Variants in ABCB9 observed in about 807,000 individuals in gnomAD.
The protein encoded by ABCB9 is ABC-type oligopeptide transporter ABCB9.
A neutral mutation model predicts 62.0 loss-of-function variants in ABCB9; 36 were observed. The ratio of observed to expected loss-of-function variants is 0.58; its 90% CI spans 0.45 to 0.77. The LOEUF (loss-of-function observed/expected upper bound fraction) is 0.77, where lower values mean the gene tolerates loss of function less well. ABCB9 is among the 30% of genes least tolerant of loss of function. ABCB9 has a pLI of 0.00. For synonymous variants in ABCB9, 435 were observed against 461.4 expected (o/e 0.94, Z 0.73); for missense variants, 943 against 1,054.7 (o/e 0.89, Z 1.47).
In ABCB9 at chr12:122,949,932, A is replaced by G. The variant is rs754721977; in HGVS notation, c.717-14T>C. The G allele has an allele frequency of 5.0e-6, 8 of 1,613,292 alleles. No homozygotes were observed. In the Admixed American group the frequency reaches 1.2e-4, roughly 24 times the overall value. On this transcript the variant is annotated splice_polypyrimidine_tract_variant and intron_variant, in intron 3 of 11. Coordinates refer to ENST00000280560, the MANE Select transcript of ABCB9 (RefSeq NM_019625.4). ...GCGGCAAATGAGCTAATTGCAGATA[A>G]GAGATATTATAGCACGATGTCCTTC...
chr12:122,948,956 G>A (rs1029354122), intron 4 of ABCB9, 127 bp from the exon 5 acceptor site: 1 of 723,236 alleles, frequency 1.4e-6, no homozygotes, highest in Non-Finnish European at 2.1e-6. Flanking sequence ...GCGGGGTTGG[G>A]GGGTGGGGGA....
At position 122,950,484 on chromosome 12, in the gene ABCB9, G is replaced by A; in HGVS notation, c.683C>T (p.Ala228Val). The change falls in exon 3 of 12, where the codon GCT (alanine) becomes GTT (valine). Residue 228 changes from alanine (A) to valine (V), a missense_variant. Transcript: ENST00000280560. ...GGCCAGCAGGCACACGATGACGACA[G>A]CCGTGCTGAACTGATCCATGCTTTT... ...IQKSMDQFST[A>V]VVIVCLLAIG... 1.2e-6 allele frequency: 2 copies of A among 1,612,922 alleles called. No individual in the cohort carries two copies. The highest frequency in any genetic ancestry group is 1.7e-6 in the Non-Finnish European group (2 of 1,179,900).
At chr12:122,953,423 C>T (rs1382176675) in intron 2 of ABCB9, among the ~76,000 whole-genome samples, 4 of 150,642 alleles carry the variant, frequency 2.7e-5, no homozygotes, top group East Asian at 1.9e-4. Flanking sequence ...AGTCGCACTC[C>T]GTCGCCCAGG....
chr12:122,939,215 T>C (rs2135797586), intron 9 of ABCB9, among the ~76,000 whole-genome samples: 1 of 152,226 alleles, frequency 6.6e-6, no homozygotes, highest in East Asian at 1.9e-4. Flanking sequence ...CCAGAATGCA[T>C]AAATAATTGT....
In ABCB9 at chr12:122,932,202, C is replaced by A; in HGVS notation, c.2030G>T (p.Ser677Ile). 1 of 1,552,776 alleles carries A rather than the reference C, an allele frequency of 6.4e-7. No individual in the cohort carries two copies. The highest frequency in any genetic ancestry group is 8.7e-7 in the Non-Finnish European group (1 of 1,147,908). ...DEATSALDAE[S>I]EYLIQQAIHG... is the part of the protein sequence containing the mutation. Reference sequence around the variant, plus strand: ...CACCCTGTGACTCACCAGATACTCGCTCTCGGCATCCAAAGCGCTGGTGGC... The same window carrying A: ...CACCCTGTGACTCACCAGATACTCGATCTCGGCATCCAAAGCGCTGGTGGC... The change falls in exon 11 of 12, where the codon AGC (serine) becomes ATC (isoleucine). Residue 677 changes from serine to isoleucine, a missense_variant. By Grantham distance (142) the Ser-to-Ile change is moderately radical. Transcript: ENST00000280560. This position sits in a 1 kb window ranked among gnomAD's most constrained non-coding sequence, Gnocchi z 4.7.
At chr12:122,950,055 C>A in intron 3 of ABCB9, 137 bp from the exon 4 acceptor site, 1 of 1,214,688 alleles carries the variant, frequency 8.2e-7, no homozygotes. Context: ...TGCGGGGTCC[C>A]CCTCATTCCC....
intron 2 of ABCB9, chr12:122,951,725 G>A (rs2036376885): frequency 6.6e-6 from 1 of 152,112 alleles, no homozygotes; most frequent in South Asian, 2.1e-4. Context: ...ACCTTGCTGG[G>A]TGCTTTCTTA....
downstream of ABCB9, among the ~76,000 whole-genome samples, chr12:122,925,840 C>T (rs1020043279): frequency 6.6e-6 from 1 of 152,100 alleles, no homozygotes; most frequent in Non-Finnish European, 1.5e-5. Context: ...TGGAAACAGC[C>T]CAAATATCTA....
In ABCB9 at chr12:122,930,831, A is replaced by G. The variant is rs758584895; in HGVS notation, c.2041-660T>C. On this transcript the variant is annotated intron_variant, in intron 11 of 11. Transcript: ENST00000280560. This position sits in a 1 kb window ranked among gnomAD's most constrained non-coding sequence, Gnocchi z 4.9. ...GGTGCCTGGTGCCTGAGAAGAGCTCAGTAACTCTCTGTGTAACAAATGAAT... is the reference window on the plus strand; with the variant it reads ...GGTGCCTGGTGCCTGAGAAGAGCTCGGTAACTCTCTGTGTAACAAATGAAT... 9.9e-5 allele frequency among the ~76,000 whole-genome samples: 15 copies of G among 152,154 alleles called. No homozygotes were observed. Among genetic ancestry groups the G allele is most frequent in the Non-Finnish European group, 2.1e-4 (14 of 68,034 alleles).
chr12:122,922,349 TTTTAA>T (rs1455378681), intron 11 of ABCB9, among the ~76,000 whole-genome samples: 1 of 152,122 alleles, frequency 6.6e-6, no homozygotes, highest in Non-Finnish European at 1.5e-5. Context: ...CTTTGAGTCT[TTTTAA>T]TTTTTTTATT....
chr12:122,926,952 G>A (rs2034923885), downstream of ABCB9, among the ~76,000 whole-genome samples: 1 of 152,080 alleles, frequency 6.6e-6, no homozygotes, highest in African/African-American at 2.4e-5. Flanking sequence ...ATGTAATGTG[G>A]GACACTGGAA....
chr12:122,942,665 G>A (rs1052109016), intron 7 of ABCB9, among the ~76,000 whole-genome samples: 14 of 151,378 alleles, frequency 9.2e-5, no homozygotes, highest in Non-Finnish European at 1.9e-4. Context: ...TTAGCTGGGT[G>A]TGGTGGCATG....
intron 1 of ABCB9, chr12:122,974,562 G>A (rs150302366): frequency 0.019 from 2,890 of 152,410 alleles, 40 homozygotes; most frequent in South Asian, 0.064. Flanking sequence ...AAGGTCCGGG[G>A]AGAGAAGAGG....
chr12:122,955,968 C>A (rs2036595149), intron 2 of ABCB9, among the ~76,000 whole-genome samples: 1 of 152,134 alleles, frequency 6.6e-6, no homozygotes, highest in African/African-American at 2.4e-5. Context: ...GGCCTCAGCT[C>A]CCCAGAGTTC....
At chr12:122,936,367 G>T (rs1012538061) in intron 9 of ABCB9, among the ~76,000 whole-genome samples, 1 of 152,180 alleles carries the variant, frequency 6.6e-6, no homozygotes, top group East Asian at 1.9e-4. Context: ...AGGTAAGGTG[G>T]AGGGGAACAT....
rs1246886789 is a variant in ABCB9, at chr12:122,940,739, A to G, written c.1569+68T>C. The G allele has an allele frequency of 6.8e-7, 1 of 1,473,726 alleles. No individual in the cohort carries two copies. Among genetic ancestry groups the G allele is most frequent in the Non-Finnish European group, 9.1e-7 (1 of 1,098,940 alleles). 91.3% of individuals were successfully genotyped at this position (1,473,726 alleles called of 1,614,324 possible). ...CAGCTGCCCTGCCACAGCCTGGTGT[A>G]TAGGAGGTGCACCAGAAATGGGGTG... On this transcript the variant is annotated intron_variant, in intron 8 of 11. Transcript: ENST00000280560. This position sits in a 1 kb window ranked among gnomAD's most constrained non-coding sequence, Gnocchi z 4.8.
At chr12:122,966,875 A>G (rs2037198017), upstream of ABCB9, among the ~76,000 whole-genome samples, 1 of 152,240 alleles carries the variant, frequency 6.6e-6, no homozygotes, top group Non-Finnish European at 1.5e-5. Flanking sequence ...GTCCTCATTC[A>G]TTCACTTATT....
At chr12:122,948,894 G>A (rs1224878213) in intron 4 of ABCB9, 65 bp from the exon 5 acceptor site, 8 of 1,377,000 alleles carry the variant, frequency 5.8e-6, no homozygotes, top group African/African-American at 1.5e-5. Context: ...GGTGGGGGAT[G>A]CTAAGGGGCC....
At chr12:122,945,994 C>T (rs769004255) in intron 6 of ABCB9, 31 bp downstream of exon 6, 107 of 1,608,470 alleles carry the variant, frequency 6.7e-5, no homozygotes, top group Non-Finnish European at 1.7e-5. Flanking sequence ...CATCCCTCCA[C>T]AGCCAGAGCT....
Sources: allele counts gnomAD v4.1 joint callset (sites outside exome capture counted in the v4.1 genomes callset), GRCh38; gene constraint gnomAD v4.1.1; non-coding constraint Gnocchi (gnomAD v3.1); transcripts MANE v1.5; gene names NCBI Gene and HGNC (gene_info 2026-07-23, HGNC 2026-07-21).